TRPC6: variants seen among roughly 807,000 people sequenced by gnomAD.
TRPC6 encodes the protein short transient receptor potential channel 6.
In TRPC6, 55 loss-of-function variants were observed where a neutral mutation model predicts 90.7. The observed-to-expected ratio is 0.61, with a 90% CI of 0.49 to 0.76. The LOEUF is 0.76. Among genes scored for constraint, TRPC6 ranks in the 30% least tolerant of loss-of-function variants. The pLI, the probability that TRPC6 is intolerant of heterozygous loss-of-function variation, is 0.00. For synonymous variants in TRPC6, 393 were observed against 393.0 expected (o/e 1.00, Z 0.00); for missense variants, 989 against 1,122.7 (o/e 0.88, Z 1.70).
At chr11:101,467,460 A>G (rs998135645) in intron 10 of TRPC6, among the ~76,000 whole-genome samples, 21 of 152,240 alleles carry the variant, frequency 1.4e-4, no homozygotes, top group African/African-American at 5.1e-4. Context: ...TAAGTAATTT[A>G]ATATTCAAAA....
At chr11:101,484,132 T>C (rs945992010) in intron 4 of TRPC6, among the ~76,000 whole-genome samples, 1 of 152,220 alleles carries the variant, frequency 6.6e-6, no homozygotes, top group African/African-American at 2.4e-5. Flanking sequence ...TAGTTGGCAC[T>C]GTTTTAAGTG....
Position 101,504,810 on chromosome 11 carries a change from CAG to C in TRPC6, c.171-14_171-13del. 6.2e-7 allele frequency: 1 copy of C among 1,611,398 alleles called. No individual in the cohort carries two copies. The highest frequency in any genetic ancestry group is 8.5e-7 in the Non-Finnish European group (1 of 1,178,890). On this transcript the variant is annotated splice_polypyrimidine_tract_variant and intron_variant, in intron 1 of 12. Coordinates refer to ENST00000344327, the MANE Select transcript of TRPC6 (RefSeq NM_004621.6). Reference sequence around the variant, plus strand: ...TGTCAGATCCCCGGCTGCAATAAAACAGAAAGATTGTAAACAAATCACATTAA... The same window carrying C: ...TGTCAGATCCCCGGCTGCAATAAAACAAAGATTGTAAACAAATCACATTAA...
intron 1 of TRPC6, among the ~76,000 whole-genome samples, chr11:101,541,193 G>A (rs1215577581): frequency 1.3e-5 from 2 of 152,264 alleles, no homozygotes; most frequent in Admixed American, 6.5e-5. Context: ...CCCTTTGATA[G>A]ATAAAAGCCA....
intron 1 of TRPC6, among the ~76,000 whole-genome samples, chr11:101,549,642 G>A (rs1008128201): frequency 6.2e-4 from 92 of 149,514 alleles, no homozygotes; most frequent in African/African-American, 2.1e-3. Context: ...GAGAAAAACT[G>A]ACAGAGAAAA....
At chr11:101,540,611 C>T (rs6590880) in intron 1 of TRPC6, among the ~76,000 whole-genome samples, 82,953 of 152,008 alleles carry the variant, frequency 0.55, 23,785 homozygotes, top group Middle Eastern at 0.63. Flanking sequence ...CCATTTATTT[C>T]ATCAATGTGA....
chr11:101,524,471 G>C (rs112854637), intron 1 of TRPC6, among the ~76,000 whole-genome samples: 1 of 152,114 alleles, frequency 6.6e-6, no homozygotes, highest in Non-Finnish European at 1.5e-5. Flanking sequence ...GGATGGTCTC[G>C]ATCTCATGAC....
chr11:101,543,484 A>G (rs1206582026), intron 1 of TRPC6, among the ~76,000 whole-genome samples: 2 of 152,188 alleles, frequency 1.3e-5, no homozygotes, highest in Non-Finnish European at 2.9e-5. Context: ...CTATAAGGCT[A>G]CAGTAACCAA....
intron 1 of TRPC6, among the ~76,000 whole-genome samples, chr11:101,558,051 G>T (rs1173831861): frequency 6.6e-6 from 1 of 151,776 alleles, no homozygotes; most frequent in Non-Finnish European, 1.5e-5. Context: ...ATATGGAACT[G>T]CAAAAATCCT....
chr11:101,571,340 A>G (rs1861959474), intron 1 of TRPC6, among the ~76,000 whole-genome samples: 1 of 152,206 alleles, frequency 6.6e-6, no homozygotes, highest in South Asian at 2.1e-4. Context: ...TTCAAGGAGA[A>G]CTACAAACCA....
intron 10 of TRPC6, among the ~76,000 whole-genome samples, chr11:101,462,650 T>G (rs1001834085): frequency 6.6e-6 from 1 of 152,230 alleles, no homozygotes; most frequent in African/African-American, 2.4e-5. Context: ...TTGTGCACAT[T>G]GATTTTGTAT....
At chr11:101,518,986 A>C (rs1241100955) in intron 1 of TRPC6, among the ~76,000 whole-genome samples, 1 of 152,220 alleles carries the variant, frequency 6.6e-6, no homozygotes, top group Admixed American at 6.5e-5. Flanking sequence ...GGAGCTAAAA[A>C]TTAAAACAAT....
intron 1 of TRPC6, among the ~76,000 whole-genome samples, chr11:101,530,051 T>G (rs1025817408): frequency 3.3e-5 from 5 of 152,160 alleles, no homozygotes; most frequent in African/African-American, 1.2e-4. Flanking sequence ...CCCACAGGCC[T>G]GGCAGCAGAC....
intron 1 of TRPC6, among the ~76,000 whole-genome samples, chr11:101,562,512 T>C (rs551612917): frequency 6.6e-6 from 1 of 152,288 alleles, no homozygotes; most frequent in East Asian, 1.9e-4. Flanking sequence ...TGAAAATGCT[T>C]GTTTCTATAA....
chr11:101,483,741 T>A (rs1376458708), intron 4 of TRPC6, among the ~76,000 whole-genome samples: 2 of 152,224 alleles, frequency 1.3e-5, no homozygotes, highest in African/African-American at 2.4e-5. Context: ...AACAATCTCC[T>A]GGAAGGACAC....
chr11:101,574,203 A>G (rs1345502597), intron 1 of TRPC6, among the ~76,000 whole-genome samples: 1 of 151,012 alleles, frequency 6.6e-6, no homozygotes, highest in Non-Finnish European at 1.5e-5. Context: ...ATGGGCACTG[A>G]AGCTTCTGAG....
At chr11:101,497,380 C>T (rs1859973930) in intron 2 of TRPC6, among the ~76,000 whole-genome samples, 1 of 152,204 alleles carries the variant, frequency 6.6e-6, no homozygotes, top group Admixed American at 6.5e-5. Flanking sequence ...AACAGTCACA[C>T]CACCTTTGTC....
chr11:101,551,305 C>G lies in TRPC6; in HGVS notation c.170+32029G>C, dbSNP rs190273329. Among the ~76,000 whole-genome samples the G allele has an allele frequency of 2.0e-5, 3 of 151,882 alleles. No individual in the cohort carries two copies. The East Asian group carries it at 5.8e-4, about 29-fold the overall frequency. On this transcript the variant is annotated intron_variant, in intron 1 of 12. Transcript: ENST00000344327. ...TGAACTGGCAGTTATTAACTGCAAC[C>G]ATAAAGTATTAAAGAATAAACAGTA...
intron 1 of TRPC6, among the ~76,000 whole-genome samples, chr11:101,572,893 G>T (rs773994435): frequency 6.6e-6 from 1 of 152,022 alleles, no homozygotes; most frequent in Non-Finnish European, 1.5e-5. Flanking sequence ...AGCATTAGGA[G>T]AAATACCTAA....
intron 12 of TRPC6, 57 bp from the exon 13 acceptor site, chr11:101,453,163 G>A: frequency 6.6e-7 from 1 of 1,526,098 alleles, no homozygotes. Context: ...GGAAAAACTA[G>A]TGACTGTGGG....
Sources: gnomAD v4.1 joint callset for allele counts (sites outside exome capture counted in the v4.1 genomes callset) on GRCh38, gnomAD v4.1.1 for gene constraint, MANE v1.5 for transcripts, NCBI Gene and HGNC (gene_info 2026-07-23, HGNC 2026-07-21) for gene names.